The following CLOCK variants were observed in gnomAD, a reference collection of about 807,000 sequenced individuals.
CLOCK encodes clock circadian regulator, also known as circadian locomoter output cycles protein kaput.
CLOCK carries 43 observed loss-of-function variants against 118.4 expected under a neutral mutation model. The ratio of observed to expected loss-of-function variants is 0.36; its 90% CI spans 0.28 to 0.47. CLOCK has a LOEUF of 0.47. Ranked by LOEUF, CLOCK falls within the 20% of genes least tolerant of loss-of-function variation. CLOCK has a pLI of 1.00. For synonymous variants in CLOCK, 326 were observed against 339.2 expected (o/e 0.96, Z 0.43); for missense variants, 846 against 999.9 (o/e 0.85, Z 2.08).
At chr4:55,439,164 A>G (rs149602385) in intron 21 of CLOCK, among the ~76,000 whole-genome samples, 84 of 152,342 alleles carry the variant, frequency 5.5e-4, no homozygotes, top group African/African-American at 1.9e-3. Context: ...CTTCAACTCA[A>G]CAACAATCAA....
intron 18 of CLOCK, among the ~76,000 whole-genome samples, 170 bp downstream of exon 18, chr4:55,448,593 CACGCGCGCGTGTGTGT>C (rs1299969403): frequency 1.2e-4 from 8 of 64,892 alleles, no homozygotes; most frequent in African/African-American, 3.1e-4. Flanking sequence ...TGCGCGCGCG[CACGCGCGCGTGTGTGT>C]GTGTGTGTGT....
At position 55,432,477 on chromosome 4, in the gene CLOCK, T is replaced by TTG. The variant is rs1296620775; in HGVS notation, c.*2937_*2938insCA. The stretch of plus-strand genomic sequence containing the variant: ...TGAGAATAAAGCAGAGGGAAGACTT[T>TTG]TTTTTTTTTTTTTTTAAAGCTGGAA... On this transcript the variant is annotated 3_prime_UTR_variant, in exon 23 of 23. Transcript: ENST00000513440. 1 of 148,388 alleles carries TTG rather than the reference T, an allele frequency of 6.7e-6. No individual in the cohort carries two copies. The highest frequency in any genetic ancestry group is 1.5e-5 in the Non-Finnish European group (1 of 66,902). 9.2% of individuals were successfully genotyped at this position (148,388 alleles called of 1,614,324 possible). A position where few individuals can be genotyped will look rare whatever the true frequency, so the allele number is the denominator to read the frequency against.
intron 1 of CLOCK, among the ~76,000 whole-genome samples, chr4:55,534,583 C>A (rs1358502783): frequency 3.9e-5 from 6 of 152,156 alleles, no homozygotes; most frequent in Admixed American, 1.3e-4. Flanking sequence ...TACAAATATC[C>A]ATCTAGCATA....
chr4:55,454,596 A>G (rs1228601308), intron 13 of CLOCK, among the ~76,000 whole-genome samples: 1 of 142,474 alleles, frequency 7.0e-6, no homozygotes, highest in African/African-American at 2.6e-5. Context: ...CCTGGGTGAC[A>G]AAGCAGGACT....
chr4:55,526,745 C>G (rs983795874), intron 1 of CLOCK, among the ~76,000 whole-genome samples: 6 of 151,810 alleles, frequency 4.0e-5, no homozygotes, highest in African/African-American at 1.5e-4. Context: ...TCAGGAGATC[C>G]AGACCATCCT....
chr4:55,447,728 A>C (rs73819607), intron 18 of CLOCK, among the ~76,000 whole-genome samples: 2,058 of 152,296 alleles, frequency 0.014, 42 homozygotes, highest in African/African-American at 0.046. Context: ...CTCCTATCAT[A>C]TATGTATGAC....
At chr4:55,519,593 C>CCTGA (rs1016835624) in intron 1 of CLOCK, among the ~76,000 whole-genome samples, 20 of 152,098 alleles carry the variant, frequency 1.3e-4, no homozygotes, top group Admixed American at 4.6e-4. Flanking sequence ...TCGAGACCAG[C>CCTGA]CTGACCAACA....
intron 1 of CLOCK, among the ~76,000 whole-genome samples, chr4:55,524,766 G>T (rs567668717): frequency 6.6e-6 from 1 of 152,264 alleles, no homozygotes; most frequent in East Asian, 1.9e-4. Flanking sequence ...TCAAAGAGAT[G>T]TGAAACATCT....
chr4:55,479,030 G>A (rs981200381), intron 5 of CLOCK, 67 bp from the exon 6 acceptor site: 32 of 1,308,982 alleles, frequency 2.4e-5, no homozygotes, highest in Non-Finnish European at 3.2e-5. Context: ...TTAATACAAT[G>A]TTAATTTAGA....
chr4:55,521,975 T>C (rs1329662425), intron 1 of CLOCK, among the ~76,000 whole-genome samples: 1 of 152,032 alleles, frequency 6.6e-6, no homozygotes, highest in Non-Finnish European at 1.5e-5. Context: ...GATAGAGAGA[T>C]CACAAATAGA....
rs561137764 is a variant in CLOCK, at chr4:55,444,541, T to G, written c.1692+92A>C. On this transcript the variant is annotated intron_variant, in intron 19 of 22. Coordinates refer to ENST00000513440, the MANE Select transcript of CLOCK (RefSeq NM_004898.4). ...GAACTGAATTGATAAAACGTATCTCTTGCATCTCACTTTTAATTAAGAAAA... is the reference window on the plus strand; with the variant it reads ...GAACTGAATTGATAAAACGTATCTCGTGCATCTCACTTTTAATTAAGAAAA... 1.1e-4 allele frequency: 155 copies of G among 1,454,242 alleles called. No homozygotes were observed. The African/African-American group carries it at 1.7e-3, about 16-fold the overall frequency. The allele number at this position is 1,454,242 out of a possible 1,614,324, so 90.1% of individuals were successfully genotyped here. A position where few individuals can be genotyped will look rare whatever the true frequency, so the allele number is the denominator to read the frequency against.
intron 18 of CLOCK, among the ~76,000 whole-genome samples, chr4:55,446,640 T>C (rs1403732047): frequency 6.6e-6 from 1 of 152,260 alleles, no homozygotes; most frequent in African/African-American, 2.4e-5. Context: ...ATTTTCAATC[T>C]TATTTCTCTG....
At chr4:55,510,624 CT>C (rs60167961) in intron 1 of CLOCK, among the ~76,000 whole-genome samples, 17 of 101,372 alleles carry the variant, frequency 1.7e-4, no homozygotes, top group Non-Finnish European at 3.0e-4. Flanking sequence ...AAGACTCTGT[CT>C]TTTTAAAAAA....
chr4:55,447,370 A>G (rs1385100455), intron 18 of CLOCK, among the ~76,000 whole-genome samples: 1 of 152,160 alleles, frequency 6.6e-6, no homozygotes, highest in Non-Finnish European at 1.5e-5. Context: ...TCTCAAAAAA[A>G]AATTAAAAAG....
intron 1 of CLOCK, among the ~76,000 whole-genome samples, chr4:55,515,319 G>T (rs1248999558): frequency 6.6e-6 from 1 of 152,018 alleles, no homozygotes; most frequent in Non-Finnish European, 1.5e-5. Context: ...TCTCTTCAAA[G>T]AACCAGCTTT....
At chr4:55,542,093 C>A (rs1360711954) in intron 1 of CLOCK, among the ~76,000 whole-genome samples, 1 of 151,830 alleles carries the variant, frequency 6.6e-6, no homozygotes, top group African/African-American at 2.4e-5. Flanking sequence ...GTAATCCCAG[C>A]ACTTTGGGAG....
chr4:55,479,958 T>C (rs1726801932), intron 4 of CLOCK, among the ~76,000 whole-genome samples: 1 of 152,204 alleles, frequency 6.6e-6, no homozygotes, highest in South Asian at 2.1e-4. Flanking sequence ...AACAAGAATT[T>C]AACCAGTTTA....
chr4:55,539,303 T>C (rs1234043210), intron 1 of CLOCK, among the ~76,000 whole-genome samples: 2 of 149,292 alleles, frequency 1.3e-5, no homozygotes, highest in Non-Finnish European at 3.0e-5. Context: ...CTGCCGTGCA[T>C]GGTGGCTCAC....
chr4:55,443,971 A>C, intron 19 of CLOCK, 75 bp from the exon 20 acceptor site: 1 of 1,318,648 alleles, frequency 7.6e-7, no homozygotes, highest in Non-Finnish European at 1.1e-6. Flanking sequence ...AGAAGGCAAA[A>C]TCAAGCTACA....
Sources: gnomAD v4.1 joint callset for allele counts (sites outside exome capture counted in the v4.1 genomes callset) on GRCh38, gnomAD v4.1.1 for gene constraint, MANE v1.5 for transcripts, NCBI Gene and HGNC (gene_info 2026-07-23, HGNC 2026-07-21) for gene names.